The following CACNA1I variants were observed in gnomAD, a reference collection of about 807,000 sequenced individuals.
CACNA1I encodes calcium voltage-gated channel subunit alpha1 I.
In CACNA1I, 74 loss-of-function variants were observed where a neutral mutation model predicts 201.6. The ratio of observed to expected loss-of-function variants is 0.37; its 90% CI spans 0.30 to 0.45. CACNA1I has a LOEUF of 0.45. CACNA1I is among the 20% of genes least tolerant of loss of function. The probability of loss-of-function intolerance (pLI) is 1.00; values close to 1 mark genes in which losing one functional copy is unlikely to be tolerated. For synonymous variants in CACNA1I, 1,431 were observed against 1,345.2 expected (o/e 1.06, Z -1.40); for missense variants, 2,346 against 3,138.1 (o/e 0.75, Z 6.03).
chr22:39,653,698 C>T (rs966562839), intron 10 of CACNA1I, among the ~76,000 whole-genome samples: 2 of 152,192 alleles, frequency 1.3e-5, no homozygotes, highest in East Asian at 1.9e-4. Context: ...AGAGTGACCT[C>T]AGGCCTGGTC....
At chr22:39,572,355 C>T (rs1461014575) in intron 1 of CACNA1I, among the ~76,000 whole-genome samples, 3 of 151,938 alleles carry the variant, frequency 2.0e-5, no homozygotes, top group Non-Finnish European at 2.9e-5. Context: ...GGGCAGGGTG[C>T]GGGGAGCTGG....
Position 39,646,824 on chromosome 22 carries a change from C to G in CACNA1I, c.1405C>G (p.Pro469Ala). The G allele has an allele frequency of 3.2e-6, 5 of 1,543,340 alleles. No homozygotes were observed. Among genetic ancestry groups the G allele is most frequent in the Non-Finnish European group, 4.4e-6 (5 of 1,144,126 alleles). ...GCAGAGCCGGCGCCAGGCCCTGGGC[C>G]CGGAGGCCCCGGCCCCCGCCAAACC... is the stretch of plus-strand genomic sequence containing the variant. Reference protein sequence around the residue: ...ALQSRRQALGPEAPAPAKPGP... With the variant: ...ALQSRRQALGAEAPAPAKPGP... Residue 469 changes from proline to alanine, a missense_variant, in exon 8 of 37, where the codon CCG becomes GCG. Pro to Ala is a conservative substitution (Grantham distance 27). This residue lies in a region of CACNA1I where 312 missense variants were observed against 331.5 expected (regional missense o/e 0.94). Transcript: ENST00000402142.
chr22:39,681,106 C>G (rs1935691835), intron 34 of CACNA1I, 54 bp downstream of exon 34: 1 of 1,552,758 alleles, frequency 6.4e-7, no homozygotes, highest in South Asian at 1.2e-5. Context: ...AAACCTGGCC[C>G]CTGCCCACCC....
chr22:39,583,714 C>G (rs1376511455), intron 1 of CACNA1I, among the ~76,000 whole-genome samples: 1 of 152,244 alleles, frequency 6.6e-6, no homozygotes, highest in Non-Finnish European at 1.5e-5. Flanking sequence ...ATTCTACTGT[C>G]TGCTGAATGC....
At chr22:39,601,360 C>T (rs1232993694) in intron 3 of CACNA1I, among the ~76,000 whole-genome samples, 6 of 152,232 alleles carry the variant, frequency 3.9e-5, no homozygotes, top group African/African-American at 9.6e-5. Context: ...CCTTCACACA[C>T]GGGGACCAGG....
rs2145805806 is a variant in CACNA1I, at chr22:39,582,099, C to A, written c.236+11111C>A. Among the ~76,000 whole-genome samples, 2 of 152,252 alleles carry A rather than the reference C, an allele frequency of 1.3e-5. 1 individual carries two copies. The highest frequency in any genetic ancestry group is 4.2e-4 in the South Asian group (2 of 4,818). ...AGAGCAGGGGGTGCTGAGGACTATA[C>A]CTGGCTTTTCCCAGTGGAGCAGTGG... On this transcript the variant is annotated intron_variant, in intron 1 of 36. Transcript: ENST00000402142.
chr22:39,683,585 A>C (rs1238194932), intron 35 of CACNA1I, among the ~76,000 whole-genome samples: 2 of 152,240 alleles, frequency 1.3e-5, no homozygotes, highest in Admixed American at 1.3e-4. Context: ...ATGGTATGGC[A>C]TAGGAACCCC....
chr22:39,595,267 G>A (rs1030298404), intron 1 of CACNA1I, among the ~76,000 whole-genome samples: 1 of 151,546 alleles, frequency 6.6e-6, no homozygotes, highest in Non-Finnish European at 1.5e-5. Context: ...TCAGCCTGGC[G>A]ACAGAGCAAG....
Position 39,686,079 on chromosome 22 carries a change from GGCGGGGGCGCGGGCA to G in CACNA1I, c.6350_6364del (p.Gly2117_Ser2121del). The G allele has an allele frequency of 8.1e-7, 1 of 1,235,822 alleles. No homozygotes were observed. The highest frequency in any genetic ancestry group is 1.0e-6 in the Non-Finnish European group (1 of 992,760). The allele number at this position is 1,235,822 out of a possible 1,614,324, so 76.6% of individuals were successfully genotyped here. A position where few individuals can be genotyped will look rare whatever the true frequency, so the allele number is the denominator to read the frequency against. On this transcript the variant is annotated inframe_deletion, in exon 37 of 37. Transcript: ENST00000402142. ...CGAGGAGGGCCGCGGTGGCGCGGGC[GGCGGGGGCGCGGGCA>G]GCGAGCACTCGGAGACCCTCAGCAG...
chr22:39,649,480 C>T lies in CACNA1I; in HGVS notation c.1568-21C>T, dbSNP rs1250119405. 6 of 1,548,968 alleles carry T rather than the reference C, an allele frequency of 3.9e-6. No homozygotes were observed. Among genetic ancestry groups the T allele is most frequent in the Non-Finnish European group, 4.4e-6 (5 of 1,147,376 alleles). On this transcript the variant is annotated intron_variant, in intron 9 of 36. Coordinates refer to ENST00000402142, the MANE Select transcript of CACNA1I (RefSeq NM_021096.4). The surrounding 1 kb of genome is among the most constrained non-coding windows in gnomAD (Gnocchi z 7.3). ...GCCTGGTGTGGGCAACGACTCTATG[C>T]CCCTCTCATTTGCTTTTCAGAGCTG...
At chr22:39,650,024 GTGTC>G in intron 10 of CACNA1I, 99 bp downstream of exon 10, 2 of 1,316,626 alleles carry the variant, frequency 1.5e-6, no homozygotes, top group Non-Finnish European at 1.1e-6. Flanking sequence ...CTGGGTTTGT[GTGTC>G]TGTCCACCTA....
intron 10 of CACNA1I, among the ~76,000 whole-genome samples, chr22:39,656,225 A>T (rs1934814565): frequency 6.7e-6 from 1 of 149,406 alleles, no homozygotes; most frequent in Non-Finnish European, 1.5e-5. Flanking sequence ...TTGGGTTGTT[A>T]TTTTTTTTTT....
intron 34 of CACNA1I, 77 bp from the exon 35 acceptor site, chr22:39,682,419 G>C: frequency 8.0e-7 from 1 of 1,257,730 alleles, no homozygotes; most frequent in Non-Finnish European, 1.1e-6. Context: ...AAGGGGCCGT[G>C]GAGCAGGTCA....
chr22:39,601,935 T>C (rs1486623502), intron 3 of CACNA1I, among the ~76,000 whole-genome samples: 713 of 28,452 alleles, frequency 0.025, 27 homozygotes, highest in African/African-American at 0.15. Context: ...CCTTCCTGCC[T>C]TCCTTCCTTC....
At chr22:39,574,361 G>A (rs1932276877) in intron 1 of CACNA1I, among the ~76,000 whole-genome samples, 1 of 152,110 alleles carries the variant, frequency 6.6e-6, no homozygotes, top group African/African-American at 2.4e-5. Context: ...GGTGGGAGAG[G>A]GGCCAAGGAG....
At chr22:39,681,287 A>G (rs531784719) in intron 34 of CACNA1I, among the ~76,000 whole-genome samples, 2 of 152,340 alleles carry the variant, frequency 1.3e-5, no homozygotes, top group African/African-American at 4.8e-5. Flanking sequence ...ACCCAGCAGT[A>G]CTGGCTGCTT....
chr22:39,606,334 T>G (rs1933218770), intron 3 of CACNA1I, among the ~76,000 whole-genome samples: 1 of 152,200 alleles, frequency 6.6e-6, no homozygotes, highest in Non-Finnish European at 1.5e-5. Context: ...AAAACCCACG[T>G]GAAAAACTTT....
In CACNA1I at chr22:39,620,762, G is replaced by T. The variant is rs368490074; in HGVS notation, c.580+1355G>T. Among the ~76,000 whole-genome samples, 1,134 of 151,280 alleles carry T rather than the reference G, an allele frequency of 7.5e-3. 12 individuals carry two copies. Among genetic ancestry groups the T allele is most frequent in the African/African-American group, 0.025 (1,013 of 41,222 alleles). ...TTGTTGTTTGTTTGTTTGTTTGTTT[G>T]TTTTTTTTGAGACACAGCCCGTAGC... On this transcript the variant is annotated intron_variant, in intron 4 of 36. Coordinates refer to ENST00000402142, the MANE Select transcript of CACNA1I (RefSeq NM_021096.4).
Position 39,662,288 on chromosome 22 carries a change from C to A in CACNA1I, c.3225C>A (p.Gly1075=). The A allele has an allele frequency of 1.3e-6, 2 of 1,511,504 alleles. No homozygotes were observed. Among genetic ancestry groups the A allele is most frequent in the East Asian group, 2.7e-5 (1 of 37,440 alleles). 93.6% of individuals were successfully genotyped at this position (1,511,504 alleles called of 1,614,324 possible). Reference sequence around the variant, plus strand: ...TGGCCGAGCTGGTGCCCGCGGTGGGCGCCCACCCCCGGGCCGCCTGGAGGG... The same window carrying A: ...TGGCCGAGCTGGTGCCCGCGGTGGGAGCCCACCCCCGGGCCGCCTGGAGGG... ...VDLAELVPAV[G]AHPRAAWRAA... Residue 1075 remains glycine (G), a synonymous_variant, in exon 17 of 37, where the codon GGC becomes GGA. Transcript: ENST00000402142.
Sources: allele counts gnomAD v4.1 joint callset (sites outside exome capture counted in the v4.1 genomes callset), GRCh38; gene constraint gnomAD v4.1.1; regional missense constraint gnomAD v4.1.1; non-coding constraint Gnocchi (gnomAD v3.1); transcripts MANE v1.5; gene names NCBI Gene and HGNC (gene_info 2026-07-23, HGNC 2026-07-21).